Variants in ASB7 observed in about 807,000 individuals in gnomAD.
ASB7 encodes ankyrin repeat and SOCS box protein 7.
Under a neutral mutation model 32.5 loss-of-function variants are expected in ASB7, and 4 were observed. The observed-to-expected ratio is 0.12, with a 90% CI of 0.06 to 0.28. The LOEUF is 0.28. ASB7 is among the 10% of genes least tolerant of loss of function. The pLI is 1.00. For missense variants in ASB7, 181 were observed against 407.1 expected, an observed-to-expected ratio of 0.44 and a Z score of 4.78; for synonymous variants, 172 against 155.6, an observed-to-expected ratio of 1.11 and a Z score of -0.78.
chr15:100,618,631 G>GTA (rs2039765595), intron 4 of ASB7, among the ~76,000 whole-genome samples: 3 of 151,802 alleles, frequency 2.0e-5, no homozygotes, highest in South Asian at 2.1e-4. Context: ...TGGTGTGTGT[G>GTA]TGTGTGTGTG....
At chr15:100,612,102 A>G in intron 3 of ASB7, 64 bp from the exon 4 acceptor site, 1 of 840,336 alleles carries the variant, frequency 1.2e-6, no homozygotes, top group Non-Finnish European at 1.9e-6. Flanking sequence ...TGTGATATTT[A>G]ATAGATGCAG....
Position 100,622,179 on chromosome 15 carries a change from G to C in ASB7, c.212-7258G>C, listed in dbSNP as rs142119680. Among the ~76,000 whole-genome samples, 717 of 119,638 alleles carry C rather than the reference G, an allele frequency of 6.0e-3. 2 individuals are homozygous for C. The highest frequency in any genetic ancestry group is 0.02 in the African/African-American group (626 of 31,012). The allele number at this position is 119,638 out of a possible 152,430, so 78.5% of individuals were successfully genotyped here. On this transcript the variant is annotated intron_variant, in intron 4 of 5. Coordinates refer to ENST00000332783, the MANE Select transcript of ASB7 (RefSeq NM_198243.3). ...ACAGGCAAAAAAAGAAATCATGAAG[G>C]TATCTCATTTATAATAGCTACAAAA... is the stretch of plus-strand genomic sequence containing the variant.
intron 4 of ASB7, among the ~76,000 whole-genome samples, chr15:100,617,102 G>A (rs1400153765): frequency 1.3e-5 from 2 of 152,112 alleles, no homozygotes; most frequent in African/African-American, 4.8e-5. Context: ...AAAGTTGTCA[G>A]AGCTTTTCAC....
intron 4 of ASB7, among the ~76,000 whole-genome samples, chr15:100,612,802 T>C (rs967701039): frequency 2.6e-5 from 4 of 152,208 alleles, no homozygotes; most frequent in Non-Finnish European, 5.9e-5. Flanking sequence ...CTTAAGCGTA[T>C]AGACCGAGCA....
At chr15:100,620,013 C>A (rs764012778) in intron 4 of ASB7, among the ~76,000 whole-genome samples, 1 of 152,202 alleles carries the variant, frequency 6.6e-6, no homozygotes, top group Non-Finnish European at 1.5e-5. Flanking sequence ...GTTCCTCGGA[C>A]ACAGTAGCCA....
chr15:100,645,434 G>A (rs1314903498), intron 5 of ASB7: 1 of 348,114 alleles, frequency 2.9e-6, no homozygotes, highest in African/African-American at 2.1e-5. Context: ...ATGCCCCCCG[G>A]AATATCTGTA....
intron 4 of ASB7, among the ~76,000 whole-genome samples, chr15:100,619,543 A>T (rs1023457801): frequency 2.6e-5 from 4 of 152,246 alleles, no homozygotes; most frequent in African/African-American, 9.6e-5. Flanking sequence ...GTTAATTGAA[A>T]TGAAGATTAG....
At chr15:100,615,402 G>A (rs2039733977) in intron 4 of ASB7, among the ~76,000 whole-genome samples, 1 of 152,150 alleles carries the variant, frequency 6.6e-6, no homozygotes, top group African/African-American at 2.4e-5. Flanking sequence ...TACCCCCAAA[G>A]AAACCTTCTG....
chr15:100,623,816 C>G (rs2039813176), intron 4 of ASB7, among the ~76,000 whole-genome samples: 1 of 152,114 alleles, frequency 6.6e-6, no homozygotes, highest in African/African-American at 2.4e-5. Flanking sequence ...AATAGAAATA[C>G]TATATAATCC....
Position 100,602,710 on chromosome 15 carries a change from C to T in ASB7, c.-609C>T, listed in dbSNP as rs2039558493. The T allele has an allele frequency of 2.9e-6, 1 of 350,680 alleles. No homozygotes were observed. The highest frequency in any genetic ancestry group is 2.1e-5 in the African/African-American group (1 of 47,398). The allele number at this position is 350,680 out of a possible 1,614,324, so 21.7% of individuals were successfully genotyped here. On this transcript the variant is annotated 5_prime_UTR_variant, in exon 1 of 6. Coordinates refer to ENST00000332783, the MANE Select transcript of ASB7 (RefSeq NM_198243.3). ...GGGCCCCGTATGACCTGGGACCTCG[C>T]CGTCCCGAGACCTCCTGGGTCCCTC...
At position 100,621,853 on chromosome 15, in the gene ASB7, T is replaced by C. The variant is rs140033186; in HGVS notation, c.212-7584T>C. 4.3e-3 allele frequency among the ~76,000 whole-genome samples: 633 copies of C among 148,728 alleles called. 2 individuals carry two copies. The highest frequency in any genetic ancestry group is 0.014 in the African/African-American group (571 of 40,748). On this transcript the variant is annotated intron_variant, in intron 4 of 5. Coordinates refer to ENST00000332783, the MANE Select transcript of ASB7 (RefSeq NM_198243.3). ...TCAATAAAATTGATGAATCTTTGTC[T>C]AGAATGGTGAAAAAAAGAAAACAGG...
At chr15:100,622,772 T>G (rs528429004) in intron 4 of ASB7, among the ~76,000 whole-genome samples, 2 of 152,316 alleles carry the variant, frequency 1.3e-5, no homozygotes, top group East Asian at 3.9e-4. Context: ...TCTCTCACCA[T>G]ATGCAAAACA....
At position 100,629,522 on chromosome 15, in the gene ASB7, G is replaced by A. The variant is rs749990802; in HGVS notation, c.297G>A (p.Leu99=). The A allele has an allele frequency of 1.2e-6, 2 of 1,614,148 alleles. No homozygotes were observed. Among genetic ancestry groups the A allele is most frequent in the South Asian group, 1.1e-5 (1 of 91,082 alleles). The change falls in exon 5 of 6, where the codon TTG becomes TTA. Residue 99 remains leucine (L), a synonymous_variant. Transcript: ENST00000332783. The surrounding 1 kb of genome is among the most constrained non-coding windows in gnomAD (Gnocchi z 6.8). The part of the protein sequence containing the change: ...AMHGRARIAR[L]MLESEYRSDI... ...ATGGCCGGGCCCGCATTGCACGCTT[G>A]ATGTTAGAATCTGAATACAGGAGCG...
At chr15:100,641,092 G>A (rs1468660815) in intron 5 of ASB7, among the ~76,000 whole-genome samples, 1 of 5,752 alleles carries the variant, frequency 1.7e-4, no homozygotes, top group Non-Finnish European at 8.3e-3. Context: ...TTTTCTAACA[G>A]GGGAGGAATT....
chr15:100,649,289 T>C lies in ASB7; in HGVS notation c.*827T>C, dbSNP rs1422358431. 2.6e-5 allele frequency: 4 copies of C among 152,336 alleles called. No homozygotes were observed. Among genetic ancestry groups the C allele is most frequent in the South Asian group, 2.1e-4 (1 of 4,820 alleles). The allele number at this position is 152,336 out of a possible 1,614,324, so 9.4% of individuals were successfully genotyped here. A position where few individuals can be genotyped will look rare whatever the true frequency, so the allele number is the denominator to read the frequency against. On this transcript the variant is annotated 3_prime_UTR_variant, in exon 6 of 6. Transcript: ENST00000332783. The stretch of plus-strand genomic sequence containing the variant: ...CCATTATTTCACTTGCTGGTCGTCA[T>C]TTCACAGCCAGCTTTGACATGCCCG...
intron 4 of ASB7, among the ~76,000 whole-genome samples, chr15:100,621,730 A>T (rs1452992806): frequency 6.6e-6 from 1 of 152,190 alleles, no homozygotes; most frequent in East Asian, 1.9e-4. Flanking sequence ...CAAGAATGAA[A>T]TAATAAACAG....
At chr15:100,637,430 C>T (rs1412955631) in intron 5 of ASB7, among the ~76,000 whole-genome samples, 1 of 152,218 alleles carries the variant, frequency 6.6e-6, no homozygotes, top group African/African-American at 2.4e-5. Context: ...CTAGAGACTT[C>T]TTCAATCAGT....
intron 5 of ASB7, among the ~76,000 whole-genome samples, chr15:100,642,685 CT>C (rs1567118674): frequency 6.6e-6 from 1 of 152,230 alleles, no homozygotes; most frequent in Admixed American, 6.5e-5. Context: ...TTTTACTTCC[CT>C]GCTCCACACG....
At chr15:100,642,466 T>C (rs1007278710) in intron 5 of ASB7, among the ~76,000 whole-genome samples, 1 of 152,242 alleles carries the variant, frequency 6.6e-6, no homozygotes, top group Non-Finnish European at 1.5e-5. Context: ...CTTCCCCGTC[T>C]TCCAGCTTCT....
Sources: gnomAD v4.1 joint callset for allele counts (sites outside exome capture counted in the v4.1 genomes callset) on GRCh38, gnomAD v4.1.1 for gene constraint, Gnocchi (gnomAD v3.1) non-coding constraint, MANE v1.5 for transcripts, NCBI Gene and HGNC (gene_info 2026-07-23, HGNC 2026-07-21) for gene names.